DMRT1: variants seen among roughly 807,000 people sequenced by gnomAD.
DMRT1 encodes doublesex and mab-3 related transcription factor 1.
DMRT1 carries 7 observed loss-of-function variants against 32.3 expected under a neutral mutation model. The observed-to-expected ratio is 0.22, with a 90% CI of 0.12 to 0.41. The LOEUF (loss-of-function observed/expected upper bound fraction) is 0.41. Ranked by LOEUF, DMRT1 falls within the 10% of genes least tolerant of loss-of-function variation. The pLI, the probability that DMRT1 is intolerant of heterozygous loss-of-function variation, is 1.00. For synonymous variants in DMRT1, 278 were observed against 206.1 expected, an observed-to-expected ratio of 1.35 and a Z score of -2.99; for missense variants, 625 against 500.5, an observed-to-expected ratio of 1.25 and a Z score of -2.37.
intron 3 of DMRT1, among the ~76,000 whole-genome samples, chr9:915,316 C>T (rs1469754984): frequency 1.3e-5 from 2 of 152,050 alleles, no homozygotes; most frequent in Admixed American, 6.6e-5. Context: ...GTCATCAGGG[C>T]CAGGAAAGTG....
chr9:930,178 A>T (rs1431394146), intron 4 of DMRT1, among the ~76,000 whole-genome samples: 3 of 152,188 alleles, frequency 2.0e-5, no homozygotes, highest in African/African-American at 7.2e-5. Flanking sequence ...TTTGTTACTT[A>T]CATAGCTATA....
At chr9:842,815 C>G (rs2132533801) in intron 1 of DMRT1, 1 of 152,534 alleles carries the variant, frequency 6.6e-6, no homozygotes, top group Non-Finnish European at 1.5e-5. Flanking sequence ...CCTGAGATCC[C>G]TGATCCCGCT....
intron 4 of DMRT1, among the ~76,000 whole-genome samples, chr9:926,196 C>G (rs1818519121): frequency 6.6e-6 from 1 of 152,140 alleles, no homozygotes; most frequent in Non-Finnish European, 1.5e-5. Flanking sequence ...TTGCTATTCC[C>G]AAAGCTCAGT....
At chr9:921,603 T>C (rs1006404298) in intron 4 of DMRT1, among the ~76,000 whole-genome samples, 2 of 152,202 alleles carry the variant, frequency 1.3e-5, no homozygotes, top group African/African-American at 2.4e-5. Context: ...TTTATATTCT[T>C]ACCATAGTAT....
intron 2 of DMRT1, among the ~76,000 whole-genome samples, chr9:874,558 A>G (rs1589483996): frequency 6.6e-6 from 1 of 152,188 alleles, no homozygotes; most frequent in Non-Finnish European, 1.5e-5. Context: ...AATGATGGCA[A>G]CTGCCATAAA....
chr9:959,055 T>A (rs540718945), intron 4 of DMRT1, among the ~76,000 whole-genome samples: 1 of 152,370 alleles, frequency 6.6e-6, no homozygotes, highest in East Asian at 1.9e-4. Context: ...CAACCTAGTT[T>A]GTAGAGTGGC....
chr9:890,101 T>TTC, intron 2 of DMRT1, among the ~76,000 whole-genome samples: 1 of 148,876 alleles, frequency 6.7e-6, no homozygotes, highest in Non-Finnish European at 1.5e-5. Flanking sequence ...TTTTTTTTTT[T>TTC]TTTTTGAGCC....
intron 2 of DMRT1, among the ~76,000 whole-genome samples, chr9:891,432 C>CA (rs1479036095): frequency 6.6e-6 from 1 of 151,596 alleles, no homozygotes; most frequent in Non-Finnish European, 1.5e-5. Context: ...GCCTGGGCGA[C>CA]AGAGTGAGAC....
At chr9:964,646 A>T (rs1203463893) in intron 4 of DMRT1, among the ~76,000 whole-genome samples, 3 of 152,102 alleles carry the variant, frequency 2.0e-5, no homozygotes, top group African/African-American at 7.2e-5. Context: ...CCTGCCCCCA[A>T]CCCCAGTGCA....
At chr9:888,829 A>C (rs763029274) in intron 2 of DMRT1, among the ~76,000 whole-genome samples, 2 of 152,084 alleles carry the variant, frequency 1.3e-5, no homozygotes, top group Non-Finnish European at 2.9e-5. Flanking sequence ...CAGTTTTAGC[A>C]CATCAGAATC....
At position 893,408 on chromosome 9, in the gene DMRT1, C is replaced by T. The variant is rs529365621; in HGVS notation, c.539-504C>T. On this transcript the variant is annotated intron_variant, in intron 2 of 4. Transcript: ENST00000382276. ...ACTGACCTCTTACACTAGAAGTTTG[C>T]CCCTGGTCCGCACCTTTGGCCAGAT... Among the ~76,000 whole-genome samples, 7 of 152,332 alleles carry T rather than the reference C, an allele frequency of 4.6e-5. No homozygotes were observed. In the East Asian group the frequency reaches 7.7e-4, roughly 17 times the overall value.
chr9:904,901 C>T (rs1817712916), intron 3 of DMRT1, among the ~76,000 whole-genome samples: 1 of 149,174 alleles, frequency 6.7e-6, no homozygotes, highest in Non-Finnish European at 1.5e-5. Flanking sequence ...GAGATTGCGC[C>T]ACTGTACTCC....
At chr9:901,024 T>C (rs1817552869) in intron 3 of DMRT1, among the ~76,000 whole-genome samples, 1 of 150,646 alleles carries the variant, frequency 6.6e-6, no homozygotes, top group South Asian at 2.1e-4. Flanking sequence ...ATTATTATTA[T>C]TTTTTAATTG....
At chr9:915,496 A>AGCTGCC (rs1206602136) in intron 3 of DMRT1, among the ~76,000 whole-genome samples, 3 of 61,130 alleles carry the variant, frequency 4.9e-5, no homozygotes, top group Non-Finnish European at 1.3e-4. Context: ...GCTCACATGC[A>AGCTGCC]GCTGCCACTG....
intron 2 of DMRT1, among the ~76,000 whole-genome samples, chr9:889,062 C>A (rs1209183582): frequency 1.3e-5 from 2 of 152,016 alleles, no homozygotes; most frequent in African/African-American, 2.4e-5. Flanking sequence ...TGGTGGGGCC[C>A]AAGAATTTGC....
At chr9:845,573 C>A (rs1439251567) in intron 1 of DMRT1, among the ~76,000 whole-genome samples, 1 of 152,140 alleles carries the variant, frequency 6.6e-6, no homozygotes, top group African/African-American at 2.4e-5. Context: ...ATGTCAGGTC[C>A]TTTCCAGTCC....
intron 4 of DMRT1, among the ~76,000 whole-genome samples, chr9:960,635 T>G (rs576022489): frequency 2.2e-4 from 34 of 152,332 alleles, no homozygotes; most frequent in African/African-American, 7.7e-4. Context: ...CTGGTCTTTC[T>G]GGACAATTCT....
chr9:866,106 G>A (rs529259868), intron 2 of DMRT1, among the ~76,000 whole-genome samples: 9 of 144,836 alleles, frequency 6.2e-5, no homozygotes, highest in South Asian at 2.3e-4. Context: ...AGCAGCTGCC[G>A]TGAGCCGAGA....
chr9:880,755 GA>G (rs142682054), intron 2 of DMRT1, among the ~76,000 whole-genome samples: 5,083 of 149,950 alleles, frequency 0.034, 222 homozygotes, highest in East Asian at 0.12. Context: ...AAAAGAAAAG[GA>G]AAAAAAGTAT....
Sources: allele counts gnomAD v4.1 joint callset (sites outside exome capture counted in the v4.1 genomes callset), GRCh38; gene constraint gnomAD v4.1.1; transcripts MANE v1.5; gene names NCBI Gene and HGNC (gene_info 2026-07-23, HGNC 2026-07-21).